The following NBEA variants were observed in gnomAD, a reference collection of about 807,000 sequenced individuals.
NBEA encodes the protein lysosomal-trafficking regulator 2.
A neutral mutation model predicts 343.4 loss-of-function variants in NBEA; 44 were observed. The ratio of observed to expected loss-of-function variants is 0.13; its 90% CI spans 0.10 to 0.16. The LOEUF is 0.16. Ranked by LOEUF, NBEA falls within the 10% of genes least tolerant of loss-of-function variation. The probability of loss-of-function intolerance (pLI) is 1.00; values close to 1 mark genes in which losing one functional copy is unlikely to be tolerated. For synonymous variants in NBEA, 1,175 were observed against 1,238.7 expected (o/e 0.95, Z 1.08); for missense variants, 2,555 against 3,631.3 (o/e 0.70, Z 7.62).
intron 1 of NBEA, among the ~76,000 whole-genome samples, chr13:35,000,097 T>C (rs1438338584): frequency 1.3e-5 from 2 of 152,158 alleles, no homozygotes; most frequent in African/African-American, 4.8e-5. Context: ...AGTAATGTCC[T>C]ATCCAGACAT....
chr13:35,284,433 CT>C (rs937860379), intron 34 of NBEA, among the ~76,000 whole-genome samples: 3 of 151,910 alleles, frequency 2.0e-5, no homozygotes, highest in Non-Finnish European at 2.9e-5. Context: ...TTTAAATAAA[CT>C]TTTTTAGTCA....
chr13:35,330,786 A>G (rs563374003), intron 36 of NBEA, among the ~76,000 whole-genome samples: 29 of 152,032 alleles, frequency 1.9e-4, no homozygotes, highest in African/African-American at 5.5e-4. Flanking sequence ...TAGCTTATCA[A>G]TTTTTTTCTA....
intron 1 of NBEA, among the ~76,000 whole-genome samples, chr13:35,028,483 T>A (rs1030327757): frequency 6.6e-6 from 1 of 151,836 alleles, no homozygotes; most frequent in Admixed American, 6.6e-5. Context: ...AGAATTGACT[T>A]TTGTATGTTG....
At chr13:35,350,728 ATGTGTGTGTGTGTGTGTG>A (rs34088295) in intron 37 of NBEA, among the ~76,000 whole-genome samples, 2,239 of 137,928 alleles carry the variant, frequency 0.016, 57 homozygotes, top group African/African-American at 0.053. Flanking sequence ...AGAGCTATTG[ATGTGTGTGTGTGTGTGTG>A]TGTGTGTGTG....
intron 18 of NBEA, among the ~76,000 whole-genome samples, chr13:35,144,942 A>C (rs915783983): frequency 2.0e-5 from 3 of 152,224 alleles, no homozygotes; most frequent in African/African-American, 7.2e-5. Context: ...AGGAAGGAGG[A>C]ACCATGTCAC....
Position 35,232,392 on chromosome 13 carries a change from G to A in NBEA, c.5649-100G>A, listed in dbSNP as rs1305580375. ...TTGTTATTATTCCATGGGCTAGAAA[G>A]GACATTTATGATTTTTAAATATTTT... On this transcript the variant is annotated intron_variant, in intron 33 of 58. Transcript: ENST00000379939. The A allele has an allele frequency of 1.1e-5, 9 of 805,864 alleles. No homozygotes were observed. The East Asian group carries it at 2.5e-4, about 22-fold the overall frequency. 49.9% of individuals were successfully genotyped at this position (805,864 alleles called of 1,614,324 possible).
intron 40 of NBEA, among the ~76,000 whole-genome samples, chr13:35,467,116 ATCT>A (rs1452786892): frequency 2.6e-5 from 4 of 152,294 alleles, no homozygotes; most frequent in South Asian, 2.1e-4. Context: ...AGATTAAAAC[ATCT>A]TATTATTTAT....
intron 45 of NBEA, among the ~76,000 whole-genome samples, chr13:35,574,846 C>T (rs1350498933): frequency 2.0e-5 from 3 of 151,582 alleles, no homozygotes; most frequent in African/African-American, 7.3e-5. Flanking sequence ...GCCTCCAGGG[C>T]TCAAGCAATT....
In NBEA at chr13:35,120,967, C is replaced by T. The variant is rs192505959; in HGVS notation, c.2243+2493C>T. ...GACATTTTCATGTTTCAACATTAGT[C>T]ATAATTTCTCTTGACCCAGGGTGGG... is the stretch of plus-strand genomic sequence containing the variant. On this transcript the variant is annotated intron_variant, in intron 16 of 58. Transcript: ENST00000379939. Among the ~76,000 whole-genome samples the T allele has an allele frequency of 3.2e-4, 49 of 152,246 alleles. 1 individual carries two copies. In the East Asian group the frequency reaches 9.3e-3, roughly 29 times the overall value.
At chr13:35,123,398 T>A in intron 16 of NBEA, 84 bp from the exon 17 acceptor site, 1 of 629,788 alleles carries the variant, frequency 1.6e-6, no homozygotes, top group African/African-American at 1.9e-5. Flanking sequence ...ATTTCACATA[T>A]GTATAATTTA....
chr13:35,241,638 C>T (rs2030304420), intron 34 of NBEA, among the ~76,000 whole-genome samples: 1 of 151,682 alleles, frequency 6.6e-6, no homozygotes, highest in Non-Finnish European at 1.5e-5. Flanking sequence ...GACTACAAAC[C>T]TTGAAGTCCT....
chr13:35,422,870 G>T (rs1316007604), intron 38 of NBEA, among the ~76,000 whole-genome samples: 5 of 152,124 alleles, frequency 3.3e-5, no homozygotes, highest in Non-Finnish European at 7.3e-5. Context: ...TCTCATTGTG[G>T]TTTTGATTTG....
chr13:35,485,084 T>G (rs1022240938), intron 41 of NBEA, among the ~76,000 whole-genome samples: 4 of 152,122 alleles, frequency 2.6e-5, no homozygotes, highest in African/African-American at 4.8e-5. Flanking sequence ...TTTGAACTTT[T>G]GCCAAGGAAT....
chr13:35,331,131 GACCA>G (rs1188650821), intron 36 of NBEA, among the ~76,000 whole-genome samples: 1 of 151,960 alleles, frequency 6.6e-6, no homozygotes, highest in Non-Finnish European at 1.5e-5. Flanking sequence ...GCATAAAGAT[GACCA>G]ATCTATCAAT....
At chr13:35,631,591 A>T (rs2083455091) in intron 49 of NBEA, among the ~76,000 whole-genome samples, 1 of 151,230 alleles carries the variant, frequency 6.6e-6, no homozygotes, top group Admixed American at 6.6e-5. Flanking sequence ...ACACTAATTT[A>T]AAAAGAGAAA....
In NBEA at chr13:35,528,620, A is replaced by G. The variant is rs551590197; in HGVS notation, c.6586-21857A>G. On this transcript the variant is annotated intron_variant, in intron 41 of 58. Coordinates refer to ENST00000379939, the MANE Select transcript of NBEA (RefSeq NM_001385012.1). ...GTAGGCCACAGCTCTTCTTGCTTTTACATGCCTGAAATGAATTAAATAATG... is the reference window on the plus strand; with the variant it reads ...GTAGGCCACAGCTCTTCTTGCTTTTGCATGCCTGAAATGAATTAAATAATG... Among the ~76,000 whole-genome samples the G allele has an allele frequency of 3.3e-5, 5 of 152,346 alleles. No individual in the cohort carries two copies. The South Asian group carries it at 1.0e-3, about 32-fold the overall frequency.
intron 39 of NBEA, among the ~76,000 whole-genome samples, chr13:35,445,152 T>G (rs1452289229): frequency 2.0e-5 from 3 of 152,150 alleles, no homozygotes; most frequent in African/African-American, 7.2e-5. Context: ...GACCATAGAC[T>G]CATGCTTTAT....
intron 40 of NBEA, among the ~76,000 whole-genome samples, chr13:35,457,522 A>G (rs192003652): frequency 1.3e-5 from 2 of 152,344 alleles, no homozygotes; most frequent in Admixed American, 1.3e-4. Context: ...GACATTGCAT[A>G]CAAATGGAAT....
intron 44 of NBEA, among the ~76,000 whole-genome samples, chr13:35,557,692 C>T (rs1027729024): frequency 6.6e-6 from 1 of 152,008 alleles, no homozygotes; most frequent in African/African-American, 2.4e-5. Flanking sequence ...GGACTAGGCA[C>T]ACAGAACACT....
Sources: allele counts gnomAD v4.1 joint callset (sites outside exome capture counted in the v4.1 genomes callset), GRCh38; gene constraint gnomAD v4.1.1; transcripts MANE v1.5; gene names NCBI Gene and HGNC (gene_info 2026-07-23, HGNC 2026-07-21).